DAB1: variants seen among roughly 807,000 people sequenced by gnomAD.
DAB1 encodes disabled homolog 1.
A neutral mutation model predicts 64.6 loss-of-function variants in DAB1; 15 were observed. The ratio of observed to expected loss-of-function variants is 0.23; its 90% CI spans 0.16 to 0.36. DAB1 has a LOEUF of 0.36. Ranked by LOEUF, DAB1 falls within the 10% of genes least tolerant of loss-of-function variation. The probability of loss-of-function intolerance (pLI) is 1.00; values close to 1 mark genes in which losing one functional copy is unlikely to be tolerated. For synonymous variants in DAB1, 235 were observed against 251.9 expected (o/e 0.93, Z 0.64); for missense variants, 596 against 706.7 (o/e 0.84, Z 1.78).
chr1:57,600,837 C>T (rs12562145), intron 7 of DAB1, among the ~76,000 whole-genome samples: 29,840 of 152,102 alleles, frequency 0.2, 3,262 homozygotes, highest in African/African-American at 0.29. Context: ...TTCATTCCTC[C>T]TGCACTCTTG....
chr1:58,118,503 T>TATAC (rs1341446315), intron 5 of DAB1, among the ~76,000 whole-genome samples: 108 of 53,072 alleles, frequency 2.0e-3, no homozygotes, highest in Admixed American at 4.2e-3. Flanking sequence ...TATATATATA[T>TATAC]ACACACACAC....
At chr1:57,988,504 C>G (rs1057187672) in intron 5 of DAB1, among the ~76,000 whole-genome samples, 26 of 152,208 alleles carry the variant, frequency 1.7e-4, no homozygotes, top group Non-Finnish European at 3.1e-4. Context: ...GTTCCCTCCC[C>G]TTGGGAGAAG....
At chr1:57,251,795 G>T (rs1306477681) in intron 2 of DAB1, among the ~76,000 whole-genome samples, 1 of 152,104 alleles carries the variant, frequency 6.6e-6, no homozygotes, top group Non-Finnish European at 1.5e-5. Flanking sequence ...TTCTTTGTTT[G>T]GAGACAATAA....
At chr1:57,948,034 G>A (rs191578543) in intron 5 of DAB1, among the ~76,000 whole-genome samples, 1 of 152,238 alleles carries the variant, frequency 6.6e-6, no homozygotes, top group East Asian at 1.9e-4. Context: ...GCTTATGCTA[G>A]CCCCTTGACC....
At chr1:58,092,724 T>C (rs12058945) in intron 5 of DAB1, among the ~76,000 whole-genome samples, 42,199 of 151,898 alleles carry the variant, frequency 0.28, 7,337 homozygotes, top group East Asian at 0.49. Context: ...AGAGAGTAGG[T>C]GCTCAAATAA....
intron 1 of DAB1, chr1:58,536,643 C>T (rs755810819): frequency 8.0e-6 from 7 of 872,864 alleles, no homozygotes; most frequent in Admixed American, 5.1e-5. Context: ...TCCAAAACTA[C>T]TCAAACCAAG....
rs910847618 is a variant in DAB1 at position 58,529,822 on chromosome 1, A to G, written n.33-2487T>C. 8.5e-5 allele frequency among the ~76,000 whole-genome samples: 13 copies of G among 152,326 alleles called. No homozygotes were observed. The South Asian group carries it at 2.7e-3, about 32-fold the overall frequency. ...ACATTGAATTACAAGTAATCTAGAG[A>G]TGATTTAAAGTATATGAGAGGATGT... On this transcript the variant is annotated intron_variant and non_coding_transcript_variant, in intron 1 of 20. Transcript: ENST00000485760.
At chr1:57,704,303 G>T (rs951356636) in intron 6 of DAB1, among the ~76,000 whole-genome samples, 5 of 152,006 alleles carry the variant, frequency 3.3e-5, no homozygotes, top group African/African-American at 1.2e-4. Flanking sequence ...GTTTTCTAAG[G>T]GCTAGGCACT....
At chr1:57,239,577 T>A (rs1668355465) in intron 2 of DAB1, among the ~76,000 whole-genome samples, 1 of 152,190 alleles carries the variant, frequency 6.6e-6, no homozygotes, top group African/African-American at 2.4e-5. Flanking sequence ...CATTCCACAC[T>A]GTTTCAGCAA....
intron 3 of DAB1, among the ~76,000 whole-genome samples, chr1:58,360,717 C>T (rs1046100333): frequency 4.6e-5 from 7 of 152,000 alleles, no homozygotes; most frequent in Admixed American, 2.0e-4. Context: ...TCAAATACTG[C>T]GCTAATGAGA....
At chr1:57,647,834 G>A (rs1646211935) in intron 7 of DAB1, among the ~76,000 whole-genome samples, 1 of 152,168 alleles carries the variant, frequency 6.6e-6, no homozygotes, top group African/African-American at 2.4e-5. Context: ...GGGCCTCACA[G>A]GGGCATAATG....
chr1:57,003,299 T>C (rs1375584050), intron 14 of DAB1, among the ~76,000 whole-genome samples: 1 of 152,210 alleles, frequency 6.6e-6, no homozygotes, highest in African/African-American at 2.4e-5. Context: ...GGAGTAATAA[T>C]GGTATATCTC....
At chr1:57,746,007 A>G (rs1468224373) in intron 6 of DAB1, among the ~76,000 whole-genome samples, 2 of 152,342 alleles carry the variant, frequency 1.3e-5, no homozygotes, top group South Asian at 2.1e-4. Flanking sequence ...AATTCAACTT[A>G]CATGTTTCAG....
chr1:57,220,951 T>C (rs1666818790), intron 2 of DAB1, among the ~76,000 whole-genome samples: 1 of 152,308 alleles, frequency 6.6e-6, no homozygotes, highest in East Asian at 1.9e-4. Flanking sequence ...TGCACACGTA[T>C]GTTTATTGTG....
intron 5 of DAB1, among the ~76,000 whole-genome samples, chr1:58,110,124 A>T (rs1322801616): frequency 6.6e-6 from 1 of 152,212 alleles, no homozygotes; most frequent in Non-Finnish European, 1.5e-5. Flanking sequence ...CTGACCACAG[A>T]ATATTAAGAC....
chr1:57,973,200 T>G (rs769685334), intron 5 of DAB1, among the ~76,000 whole-genome samples: 16 of 152,260 alleles, frequency 1.1e-4, no homozygotes, highest in Non-Finnish European at 2.1e-4. Flanking sequence ...AGAAAGAGAT[T>G]TTAAGACATT....
intron 5 of DAB1, among the ~76,000 whole-genome samples, chr1:58,076,440 T>C (rs1245485933): frequency 2.6e-5 from 4 of 152,162 alleles, no homozygotes; most frequent in Non-Finnish European, 5.9e-5. Flanking sequence ...CCCGGCCAAC[T>C]CTGGGTTCCT....
intron 5 of DAB1, among the ~76,000 whole-genome samples, chr1:58,012,945 C>T (rs1646688967): frequency 6.6e-6 from 1 of 152,174 alleles, no homozygotes. Flanking sequence ...TGTATATCAT[C>T]ACTGGCCATT....
intron 7 of DAB1, among the ~76,000 whole-genome samples, chr1:57,552,512 G>A: frequency 6.6e-6 from 1 of 152,186 alleles, no homozygotes; most frequent in East Asian, 1.9e-4. Context: ...ATAGTTCCTG[G>A]AAGATAGGAT....
Sources: allele counts gnomAD v4.1 joint callset (sites outside exome capture counted in the v4.1 genomes callset), GRCh38; gene constraint gnomAD v4.1.1; transcripts MANE v1.5; gene names NCBI Gene and HGNC (gene_info 2026-07-23, HGNC 2026-07-21).